The following PCDHA8 variants were observed in gnomAD, a reference collection of about 807,000 sequenced individuals.
PCDHA8 encodes protocadherin alpha-8.
PCDHA8 carries 53 observed loss-of-function variants against 61.8 expected under a neutral mutation model. The ratio of observed to expected loss-of-function variants is 0.86; its 90% CI spans 0.69 to 1.08. PCDHA8 has a LOEUF of 1.08. PCDHA8 is among the 50% of genes least tolerant of loss of function. The pLI is 0.00. For synonymous variants in PCDHA8, 618 were observed against 556.6 expected, an observed-to-expected ratio of 1.11 and a Z score of -1.55; for missense variants, 1,293 against 1,245.0, an observed-to-expected ratio of 1.04 and a Z score of -0.58.
chr5:140,897,383 C>T (rs1554187365), intron 1 of PCDHA8, among the ~76,000 whole-genome samples: 1 of 143,902 alleles, frequency 6.9e-6, no homozygotes, highest in African/African-American at 2.6e-5. Flanking sequence ...CTTCCCCTTC[C>T]TGTGTCCATG....
intron 1 of PCDHA8, among the ~76,000 whole-genome samples, chr5:140,952,416 G>A (rs114343205): frequency 2.1e-3 from 324 of 151,824 alleles, no homozygotes; most frequent in African/African-American, 7.0e-3. Flanking sequence ...TTAATGTTCC[G>A]CAGATTCCTA....
chr5:140,947,103 G>A (rs1355984234), intron 1 of PCDHA8, among the ~76,000 whole-genome samples: 1 of 151,176 alleles, frequency 6.6e-6, no homozygotes, highest in Admixed American at 6.6e-5. Flanking sequence ...CCATAAATAG[G>A]TACGTGTCAA....
intron 1 of PCDHA8, chr5:140,860,419 T>G (rs1239021926): frequency 6.6e-6 from 1 of 152,112 alleles, no homozygotes; most frequent in African/African-American, 2.4e-5. Context: ...AACACCATTA[T>G]CCTGCAAATA....
At chr5:140,896,673 G>A (rs962137649) in intron 1 of PCDHA8, among the ~76,000 whole-genome samples, 12 of 152,000 alleles carry the variant, frequency 7.9e-5, no homozygotes, top group Admixed American at 2.6e-4. Context: ...CACTGTGCCC[G>A]GCCCTTTGCC....
At chr5:140,922,150 T>C (rs999486530) in intron 1 of PCDHA8, among the ~76,000 whole-genome samples, 5 of 151,298 alleles carry the variant, frequency 3.3e-5, no homozygotes, top group African/African-American at 1.2e-4. Flanking sequence ...ATGAAACTCA[T>C]CAAAAACAAC....
chr5:140,935,144 A>C (rs1289868558), intron 1 of PCDHA8, among the ~76,000 whole-genome samples: 1 of 152,184 alleles, frequency 6.6e-6, no homozygotes, highest in Non-Finnish European at 1.5e-5. Flanking sequence ...TGATACTTAG[A>C]GATATAATCT....
intron 1 of PCDHA8, among the ~76,000 whole-genome samples, chr5:140,944,043 T>C (rs2093600641): frequency 6.6e-6 from 1 of 152,080 alleles, no homozygotes; most frequent in African/African-American, 2.4e-5. Flanking sequence ...GAAAACCAGA[T>C]TGGGATACAA....
intron 1 of PCDHA8, among the ~76,000 whole-genome samples, chr5:140,922,458 C>A (rs782064554): frequency 6.6e-6 from 1 of 152,160 alleles, no homozygotes; most frequent in Non-Finnish European, 1.5e-5. Context: ...TATTTGTCAA[C>A]ACAAAATAGG....
Position 140,881,340 on chromosome 5 carries a change from CG to C in PCDHA8, c.2394+37628del, listed in dbSNP as rs1453642152. Reference sequence around the variant, plus strand: ...ATTCTATTTAACCAGGACGCCGATTCGGGCTACAATGCGTGGCTTTCGTATG... The same window carrying C: ...ATTCTATTTAACCAGGACGCCGATTCGGCTACAATGCGTGGCTTTCGTATG... On this transcript the variant is annotated intron_variant, in intron 1 of 3. Coordinates refer to ENST00000531613, the MANE Select transcript of PCDHA8 (RefSeq NM_018911.3). The C allele has an allele frequency of 3.0e-6, 3 of 984,934 alleles. No individual in the cohort carries two copies. The African/African-American group carries it at 5.2e-5, about 17-fold the overall frequency. The allele number at this position is 984,934 out of a possible 1,614,324, so 61.0% of individuals were successfully genotyped here. A position where few individuals can be genotyped will look rare whatever the true frequency, so the allele number is the denominator to read the frequency against.
chr5:140,997,384 A>T (rs2097769179), intron 3 of PCDHA8, among the ~76,000 whole-genome samples: 1 of 152,198 alleles, frequency 6.6e-6, no homozygotes, highest in South Asian at 2.1e-4. Context: ...AGCATACTAC[A>T]CACTTAGGCT....
intron 1 of PCDHA8, chr5:140,875,630 G>A: frequency 6.2e-7 from 1 of 1,613,686 alleles, no homozygotes. Context: ...CAGGACCTGG[G>A]GCTGGAGCTG....
At chr5:140,854,330 T>A in intron 1 of PCDHA8, 1 of 213,708 alleles carries the variant, frequency 4.7e-6, no homozygotes, top group Non-Finnish European at 8.0e-6. Flanking sequence ...GCAAACTTAT[T>A]TTACGCTCCA....
intron 1 of PCDHA8, chr5:140,884,310 G>C (rs1562802595): frequency 1.2e-6 from 2 of 1,613,792 alleles, no homozygotes; most frequent in African/African-American, 2.7e-5. Context: ...GCTTCGTCGA[G>C]GGCGTCGGCA....
intron 1 of PCDHA8, chr5:140,852,877 T>G: frequency 1.1e-6 from 1 of 942,140 alleles, no homozygotes; most frequent in Non-Finnish European, 1.3e-6. Flanking sequence ...TCAATAATCA[T>G]AAAACGTATT....
intron 1 of PCDHA8, among the ~76,000 whole-genome samples, chr5:140,951,227 G>A (rs181202222): frequency 1.3e-5 from 2 of 152,044 alleles, no homozygotes; most frequent in African/African-American, 2.4e-5. Flanking sequence ...ATTCTTGATG[G>A]TCTTTACCTT....
At chr5:140,853,695 C>T (rs376697449) in intron 1 of PCDHA8, 1 of 988,266 alleles carries the variant, frequency 1.0e-6, no homozygotes, top group African/African-American at 1.8e-5. Context: ...CTTAGACCTG[C>T]TAACGCATTA....
chr5:140,858,128 G>A (rs782090771), intron 1 of PCDHA8: 11 of 1,597,872 alleles, frequency 6.9e-6, no homozygotes, highest in Non-Finnish European at 9.4e-6. Context: ...CCTGGTGGAT[G>A]TCAACGTGTA....
Position 140,843,605 on chromosome 5 carries a change from G to A in PCDHA8, c.2284G>A (p.Glu762Lys), listed in dbSNP as rs2150363310. 2 of 1,596,092 alleles carry A rather than the reference G, an allele frequency of 1.3e-6. No individual in the cohort carries two copies. The highest frequency in any genetic ancestry group is 2.2e-5 in the East Asian group (1 of 44,828). Residue 762 changes from glutamate to lysine, a missense_variant, in exon 1 of 4, where the codon GAG (glutamate) becomes AAG (lysine). Glu to Lys is a moderately conservative substitution (Grantham distance 56). Coordinates refer to ENST00000531613, the MANE Select transcript of PCDHA8 (RefSeq NM_018911.3). Reference sequence around the variant, plus strand: ...ACAGCCGCAGAGGGTGTGCTCTGGTGAGGGGCCACCGAAGACGGACCTCAT... The same window carrying A: ...ACAGCCGCAGAGGGTGTGCTCTGGTAAGGGGCCACCGAAGACGGACCTCAT... Reference protein sequence around the residue: ...QQQPQRVCSGEGPPKTDLMAF... With the variant: ...QQQPQRVCSGKGPPKTDLMAF...
intron 1 of PCDHA8, chr5:140,881,365 T>G (rs1216010175): frequency 2.0e-6 from 2 of 985,144 alleles, no homozygotes; most frequent in Non-Finnish European, 2.4e-6. Context: ...GGCTTTCGTA[T>G]GAATTGCAGC....
Sources: gnomAD v4.1 joint callset for allele counts (sites outside exome capture counted in the v4.1 genomes callset) on GRCh38, gnomAD v4.1.1 for gene constraint, MANE v1.5 for transcripts, NCBI Gene and HGNC (gene_info 2026-07-23, HGNC 2026-07-21) for gene names.